The following BCAS3 variants were observed in gnomAD, a reference collection of about 807,000 sequenced individuals.
The protein encoded by BCAS3 is BCAS4/BCAS3 fusion.
In BCAS3, 53 loss-of-function variants were observed where a neutral mutation model predicts 116.1. The observed-to-expected ratio is 0.46, with a 90% CI of 0.37 to 0.57. The LOEUF is 0.57. Ranked by LOEUF, BCAS3 falls within the 20% of genes least tolerant of loss-of-function variation. The pLI, the probability that BCAS3 is intolerant of heterozygous loss-of-function variation, is 0.00. For missense variants in BCAS3, 917 were observed against 1,165.4 expected (o/e 0.79, Z 3.10); for synonymous variants, 391 against 408.2 (o/e 0.96, Z 0.51).
At chr17:60,712,296 A>C (rs2038028563) in intron 5 of BCAS3, among the ~76,000 whole-genome samples, 9 of 151,796 alleles carry the variant, frequency 5.9e-5, no homozygotes. Context: ...GGATTGCCTG[A>C]GCCTGGGAAG....
At chr17:61,384,212 A>G (rs1270090502) in intron 23 of BCAS3, among the ~76,000 whole-genome samples, 1 of 152,220 alleles carries the variant, frequency 6.6e-6, no homozygotes, top group Non-Finnish European at 1.5e-5. Context: ...CCTAAATGGC[A>G]TCAGCCAAGG....
At chr17:61,146,816 TTAAA>T (rs1488783489) in intron 22 of BCAS3, among the ~76,000 whole-genome samples, 2 of 152,308 alleles carry the variant, frequency 1.3e-5, no homozygotes, top group Admixed American at 6.5e-5. Flanking sequence ...AATTGGTAGT[TTAAA>T]TAATATTTCA....
intron 13 of BCAS3, among the ~76,000 whole-genome samples, chr17:60,935,261 G>A (rs143039542): frequency 6.6e-6 from 1 of 152,156 alleles, no homozygotes; most frequent in East Asian, 1.9e-4. Context: ...TTATCAATTA[G>A]AATTGAGAAT....
At position 60,688,378 on chromosome 17, in the gene BCAS3, C is replaced by T. The variant is rs372080186; in HGVS notation, c.139-1308C>T. ...ACAGTGGCACTATCATGGCTCACTG[C>T]GGCCTCAATTTCCCAGATTCAGGTG... On this transcript the variant is annotated intron_variant, in intron 3 of 23. Transcript: ENST00000407086. Among the ~76,000 whole-genome samples the T allele has an allele frequency of 2.4e-3, 358 of 152,140 alleles. 3 individuals are homozygous for T. The highest frequency in any genetic ancestry group is 8.1e-3 in the African/African-American group (335 of 41,512).
At chr17:61,121,127 G>A (rs995779181) in intron 22 of BCAS3, among the ~76,000 whole-genome samples, 2 of 151,984 alleles carry the variant, frequency 1.3e-5, no homozygotes, top group South Asian at 4.2e-4. Context: ...TTGAAAAAAA[G>A]GGGTTTATTT....
chr17:60,790,428 T>A (rs1185006694), intron 6 of BCAS3, among the ~76,000 whole-genome samples: 1 of 151,946 alleles, frequency 6.6e-6, no homozygotes, highest in Non-Finnish European at 1.5e-5. Context: ...TATGTAGGAG[T>A]GAAGAATTGG....
intron 9 of BCAS3, among the ~76,000 whole-genome samples, chr17:60,877,237 A>G (rs1014999028): frequency 6.6e-6 from 1 of 152,044 alleles, no homozygotes; most frequent in Non-Finnish European, 1.5e-5. Context: ...TGAAATTTCT[A>G]TCTTACAAGT....
intron 7 of BCAS3, among the ~76,000 whole-genome samples, chr17:60,829,710 C>CTTATTATCTT (rs2050749848): frequency 6.6e-6 from 1 of 151,944 alleles, no homozygotes; most frequent in African/African-American, 2.4e-5. Context: ...CTTCTTCTAT[C>CTTATTATCTT]TTATTATCTT....
chr17:61,289,532 G>C (rs1046401694), intron 22 of BCAS3, among the ~76,000 whole-genome samples: 2 of 152,172 alleles, frequency 1.3e-5, no homozygotes, highest in African/African-American at 4.8e-5. Flanking sequence ...AGTTAGTGGT[G>C]TGGAGTAAGA....
At chr17:60,701,815 A>AAAAG (rs1253368780) in intron 4 of BCAS3, among the ~76,000 whole-genome samples, 1 of 150,626 alleles carries the variant, frequency 6.6e-6, no homozygotes, top group African/African-American at 2.4e-5. Flanking sequence ...CAAAAAAAAA[A>AAAAG]AAAAAAGAAA....
chr17:61,267,279 G>A lies in BCAS3; in HGVS notation c.2426-101048G>A, dbSNP rs186633479. 7.0e-4 allele frequency among the ~76,000 whole-genome samples: 103 copies of A among 146,256 alleles called. 2 individuals are homozygous for A. The highest frequency in any genetic ancestry group is 2.6e-3 in the African/African-American group (99 of 38,568). ...TCACCGTGTTAGCCAGGATGGTCTC[G>A]ATCTCCTGACCTCATGATCCGCTCC... On this transcript the variant is annotated intron_variant, in intron 22 of 23. Coordinates refer to ENST00000407086, the MANE Select transcript of BCAS3 (RefSeq NM_017679.5).
chr17:61,232,709 T>C (rs2082764211), intron 22 of BCAS3, among the ~76,000 whole-genome samples: 1 of 152,214 alleles, frequency 6.6e-6, no homozygotes, highest in African/African-American at 2.4e-5. Context: ...AATCCTATTG[T>C]AGTCTTGATT....
Position 61,188,960 on chromosome 17 carries a change from G to A in BCAS3, c.2425+104396G>A, listed in dbSNP as rs1047303284. Among the ~76,000 whole-genome samples the A allele has an allele frequency of 6.6e-6, 1 of 152,030 alleles. No homozygotes were observed. Among genetic ancestry groups the A allele is most frequent in the Non-Finnish European group, 1.5e-5 (1 of 68,006 alleles). On this transcript the variant is annotated intron_variant, in intron 22 of 23. Transcript: ENST00000407086. This position sits in a 1 kb window ranked among gnomAD's most constrained non-coding sequence, Gnocchi z 4.0. Reference sequence around the variant, plus strand: ...TCTATAAAACATCAAAAAATCAGCCGGGCGTGATGGTGCATGCCTATAGTC... The same window carrying A: ...TCTATAAAACATCAAAAAATCAGCCAGGCGTGATGGTGCATGCCTATAGTC...
chr17:60,813,808 T>A (rs2049069233), intron 7 of BCAS3, among the ~76,000 whole-genome samples: 1 of 152,214 alleles, frequency 6.6e-6, no homozygotes, highest in East Asian at 1.9e-4. Flanking sequence ...CTTGTCATTG[T>A]CGACTTTGTT....
At chr17:60,777,016 C>CAAA (rs58245869) in intron 6 of BCAS3, among the ~76,000 whole-genome samples, 1 of 78,794 alleles carries the variant, frequency 1.3e-5, no homozygotes, top group African/African-American at 3.3e-5. Context: ...AACTCCATCT[C>CAAA]AAAAAAAAAA....
At chr17:60,821,750 A>T (rs943652609) in intron 7 of BCAS3, 1 of 151,976 alleles carries the variant, frequency 6.6e-6, no homozygotes, top group Admixed American at 6.6e-5. Context: ...CTGTGGTGCA[A>T]TCTCGGCTCA....
At position 61,213,127 on chromosome 17, in the gene BCAS3, T is replaced by C. The variant is rs918713316; in HGVS notation, c.2425+128563T>C. Among the ~76,000 whole-genome samples, 4 of 152,152 alleles carry C rather than the reference T, an allele frequency of 2.6e-5. No homozygotes were observed. Among genetic ancestry groups the C allele is most frequent in the African/African-American group, 9.7e-5 (4 of 41,436 alleles). ...TTAGCATGTAGGTGTTAGTTTCCTT[T>C]CCTTGTTAAATTGTTATATATATAT... On this transcript the variant is annotated intron_variant, in intron 22 of 23. Transcript: ENST00000407086. The surrounding 1 kb of genome is among the most constrained non-coding windows in gnomAD (Gnocchi z 5.4).
chr17:60,946,729 G>A (rs1179586987), intron 13 of BCAS3, among the ~76,000 whole-genome samples: 1 of 152,066 alleles, frequency 6.6e-6, no homozygotes, highest in African/African-American at 2.4e-5. Context: ...GGGCAACATG[G>A]TGAGACCCTG....
chr17:60,794,967 G>A (rs190129995), intron 6 of BCAS3, among the ~76,000 whole-genome samples: 209 of 152,216 alleles, frequency 1.4e-3, no homozygotes, highest in Non-Finnish European at 2.4e-3. Flanking sequence ...GATGGGGATT[G>A]CATTGAATTT....
Sources: allele counts gnomAD v4.1 joint callset (sites outside exome capture counted in the v4.1 genomes callset), GRCh38; gene constraint gnomAD v4.1.1; non-coding constraint Gnocchi (gnomAD v3.1); transcripts MANE v1.5; gene names NCBI Gene and HGNC (gene_info 2026-07-23, HGNC 2026-07-21).